The following GRAMD2B variants were observed in gnomAD, a reference collection of about 807,000 sequenced individuals.
GRAMD2B encodes GRAM domain containing 2B.
A neutral mutation model predicts 59.2 loss-of-function variants in GRAMD2B; 41 were observed. The observed-to-expected ratio is 0.69, with a 90% CI of 0.54 to 0.90. The LOEUF is 0.90. Among genes scored for constraint, GRAMD2B ranks in the 40% least tolerant of loss-of-function variants. The pLI is 0.00. For synonymous variants in GRAMD2B, 161 were observed against 182.7 expected, an observed-to-expected ratio of 0.88 and a Z score of 0.96; for missense variants, 424 against 500.5, an observed-to-expected ratio of 0.85 and a Z score of 1.46.
chr5:126,370,633 T>C (rs1332138425), upstream of GRAMD2B, among the ~76,000 whole-genome samples: 1 of 152,222 alleles, frequency 6.6e-6, no homozygotes, highest in African/African-American at 2.4e-5. Flanking sequence ...CTCTACTGCA[T>C]ATTCTCCTAC....
chr5:126,488,772 T>C, intron 12 of GRAMD2B, 27 bp from the exon 13 acceptor site: 1 of 1,513,370 alleles, frequency 6.6e-7, no homozygotes, highest in Non-Finnish European at 9.2e-7. Flanking sequence ...TCCCTGCCCA[T>C]AATAATTTTT....
chr5:126,409,764 A>G (rs1057281128), intron 1 of GRAMD2B, among the ~76,000 whole-genome samples: 3 of 152,240 alleles, frequency 2.0e-5, no homozygotes, highest in Admixed American at 6.5e-5. Context: ...GTCCTTGCCC[A>G]TGCCTATGTC....
chr5:126,467,207 G>A (rs1342971503), intron 2 of GRAMD2B, among the ~76,000 whole-genome samples: 1 of 152,048 alleles, frequency 6.6e-6, no homozygotes, highest in East Asian at 1.9e-4. Context: ...CCCAGAAAGT[G>A]GAGGTTGCAG....
chr5:126,390,622 G>A (rs746368853), intron 1 of GRAMD2B, among the ~76,000 whole-genome samples: 7 of 152,168 alleles, frequency 4.6e-5, no homozygotes, highest in East Asian at 1.9e-4. Flanking sequence ...TTATATAACC[G>A]TAAGTAAAGT....
intron 1 of GRAMD2B, among the ~76,000 whole-genome samples, chr5:126,437,973 T>C (rs1487581390): frequency 6.6e-6 from 1 of 152,182 alleles, no homozygotes; most frequent in Admixed American, 6.5e-5. Flanking sequence ...ACAGCTCAGA[T>C]TGGTGCATAC....
At chr5:126,460,727 C>T (rs1380973510) in intron 1 of GRAMD2B, among the ~76,000 whole-genome samples, 1 of 152,204 alleles carries the variant, frequency 6.6e-6, no homozygotes, top group Non-Finnish European at 1.5e-5. Context: ...AAACAAGCGT[C>T]TATGAGGCCC....
intron 1 of GRAMD2B, among the ~76,000 whole-genome samples, chr5:126,456,493 G>A (rs1201293259): frequency 6.6e-6 from 1 of 152,140 alleles, no homozygotes; most frequent in Non-Finnish European, 1.5e-5. Context: ...TTACAGGAGT[G>A]AGCCACCATA....
chr5:126,376,073 A>G (rs1364640402), intron 1 of GRAMD2B, among the ~76,000 whole-genome samples: 1 of 152,250 alleles, frequency 6.6e-6, no homozygotes, highest in Non-Finnish European at 1.5e-5. Context: ...TAAGAGTTTC[A>G]TAAATTATCA....
chr5:126,410,689 C>T (rs1758705811), intron 1 of GRAMD2B, among the ~76,000 whole-genome samples: 1 of 152,038 alleles, frequency 6.6e-6, no homozygotes, highest in South Asian at 2.1e-4. Context: ...AGTGTCTGAA[C>T]TAATTTACAT....
chr5:126,466,357 A>T (rs1320507555), intron 2 of GRAMD2B: 2 of 1,045,266 alleles, frequency 1.9e-6, no homozygotes, highest in Non-Finnish European at 2.9e-6. Flanking sequence ...ACTCCTCCCG[A>T]AATTTTCCTC....
intron 1 of GRAMD2B, among the ~76,000 whole-genome samples, chr5:126,409,811 T>TA (rs1244758200): frequency 1.4e-4 from 22 of 152,332 alleles, no homozygotes; most frequent in African/African-American, 4.8e-4. Flanking sequence ...CTAGAGTTTT[T>TA]ATGGTTTTAG....
chr5:126,433,789 G>A (rs1259219077), intron 1 of GRAMD2B: 3 of 152,242 alleles, frequency 2.0e-5, no homozygotes, highest in African/African-American at 4.8e-5. Flanking sequence ...TGATGTGACT[G>A]ATGTGTTTTA....
At chr5:126,423,362 G>T, upstream of GRAMD2B, 4 of 1,324,820 alleles carry the variant, frequency 3.0e-6, no homozygotes, top group South Asian at 4.2e-5. Flanking sequence ...ACTTCGCTTC[G>T]ACCCTCCCCT....
At chr5:126,394,041 A>G (rs981009126) in intron 1 of GRAMD2B, among the ~76,000 whole-genome samples, 3 of 152,106 alleles carry the variant, frequency 2.0e-5, no homozygotes, top group Non-Finnish European at 2.9e-5. Flanking sequence ...TCGGGAGGCC[A>G]AGGCGGGCAG....
intron 1 of GRAMD2B, among the ~76,000 whole-genome samples, chr5:126,401,022 G>C (rs916577719): frequency 6.6e-6 from 1 of 152,054 alleles, no homozygotes; most frequent in East Asian, 1.9e-4. Flanking sequence ...TTAAAAATAA[G>C]CTTTCTTCCC....
At chr5:126,370,744 G>A (rs760491167), upstream of GRAMD2B, among the ~76,000 whole-genome samples, 9 of 152,132 alleles carry the variant, frequency 5.9e-5, no homozygotes, top group Admixed American at 1.3e-4. Flanking sequence ...AGACACATTC[G>A]AACTCTCGCT....
At chr5:126,380,948 G>A (rs547586147) in intron 1 of GRAMD2B, among the ~76,000 whole-genome samples, 1 of 152,280 alleles carries the variant, frequency 6.6e-6, no homozygotes, top group South Asian at 2.1e-4. Flanking sequence ...TTGAATAGAA[G>A]TGGTGAGAGT....
At chr5:126,389,590 G>A (rs916199898) in intron 1 of GRAMD2B, among the ~76,000 whole-genome samples, 5 of 152,246 alleles carry the variant, frequency 3.3e-5, no homozygotes, top group Non-Finnish European at 5.9e-5. Flanking sequence ...AGAAAACTGT[G>A]TGCTTAAAAT....
At chr5:126,404,523 C>G (rs1465789871) in intron 1 of GRAMD2B, among the ~76,000 whole-genome samples, 1 of 151,736 alleles carries the variant, frequency 6.6e-6, no homozygotes, top group Non-Finnish European at 1.5e-5. Flanking sequence ...TTTTCGGATT[C>G]CTAAAAGAAA....
Sources: allele counts gnomAD v4.1 joint callset (sites outside exome capture counted in the v4.1 genomes callset), GRCh38; gene constraint gnomAD v4.1.1; transcripts MANE v1.5; gene names NCBI Gene and HGNC (gene_info 2026-07-23, HGNC 2026-07-21).